The following MAP1B variants were observed in gnomAD, a reference collection of about 807,000 sequenced individuals.
MAP1B encodes the protein microtubule-associated protein 1B.
Under a neutral mutation model 176.1 loss-of-function variants are expected in MAP1B, and 12 were observed. The ratio of observed to expected loss-of-function variants is 0.07; its 90% confidence interval spans 0.04 to 0.11. MAP1B has a LOEUF of 0.11. MAP1B is among the 10% of genes least tolerant of loss of function. The pLI is 1.00. For missense variants in MAP1B, 2,523 were observed against 2,990.5 expected, an observed-to-expected ratio of 0.84 and a Z score of 3.65; for synonymous variants, 1,044 against 1,135.0, an observed-to-expected ratio of 0.92 and a Z score of 1.61.
chr5:72,154,875 A>G (rs1205952309), intron 2 of MAP1B, among the ~76,000 whole-genome samples: 1 of 152,166 alleles, frequency 6.6e-6, no homozygotes, highest in Non-Finnish European at 1.5e-5. Context: ...TGTCTTCTAA[A>G]CCAGGAATCC....
At chr5:72,171,957 G>T (rs1210262501) in intron 2 of MAP1B, among the ~76,000 whole-genome samples, 1 of 152,154 alleles carries the variant, frequency 6.6e-6, no homozygotes, top group Non-Finnish European at 1.5e-5. Flanking sequence ...TGATGCAGTG[G>T]AGTTTTGAAA....
chr5:72,204,637 A>C lies in MAP1B; in HGVS notation c.7252-447A>C, dbSNP rs989870000. Among the ~76,000 whole-genome samples, 2 of 152,226 alleles carry C rather than the reference A, an allele frequency of 1.3e-5. No homozygotes were observed. The highest frequency in any genetic ancestry group is 4.8e-5 in the African/African-American group (2 of 41,474). ...CCTCCATCCCCAACCACACACATAA[A>C]GTAAAGGTGCAGATCTTTGTTCTCA... is the stretch of plus-strand genomic sequence containing the variant. On this transcript the variant is annotated intron_variant, in intron 6 of 6. Transcript: ENST00000296755. The surrounding 1 kb of genome is among the most constrained non-coding windows in gnomAD (Gnocchi z 4.4).
intron 2 of MAP1B, among the ~76,000 whole-genome samples, chr5:72,134,937 G>A (rs1745809729): frequency 6.7e-6 from 1 of 148,788 alleles, no homozygotes; most frequent in African/African-American, 2.5e-5. Context: ...TCAGGGTAAG[G>A]CTCTTAGTTC....
intron 4 of MAP1B, among the ~76,000 whole-genome samples, chr5:72,192,986 G>T (rs750880868): frequency 1.8e-4 from 27 of 152,206 alleles, no homozygotes; most frequent in Non-Finnish European, 3.7e-4. Flanking sequence ...GATCTTAGCT[G>T]CTCACACCCA....
In MAP1B at chr5:72,208,655, A is replaced by G. The variant is rs1447240538; in HGVS notation, c.*3416A>G. 1 of 152,190 alleles carries G rather than the reference A, an allele frequency of 6.6e-6. No individual in the cohort carries two copies. Among genetic ancestry groups the G allele is most frequent in the Non-Finnish European group, 1.5e-5 (1 of 68,024 alleles). The allele number at this position is 152,190 out of a possible 1,614,324, so 9.4% of individuals were successfully genotyped here. A position where few individuals can be genotyped will look rare whatever the true frequency, so the allele number is the denominator to read the frequency against. ...ATAGTGAATGGTTTCCCCAGTGTAT[A>G]TGAATGTTTTAAGTGTCTCCAATAG... On this transcript the variant is annotated 3_prime_UTR_variant, in exon 7 of 7. Transcript: ENST00000296755.
intron 2 of MAP1B, among the ~76,000 whole-genome samples, chr5:72,121,920 A>G (rs1196297348): frequency 6.6e-6 from 1 of 152,200 alleles, no homozygotes; most frequent in Non-Finnish European, 1.5e-5. Context: ...GGGAACCTGC[A>G]ATTTCAGAGG....
chr5:72,161,554 G>A (rs1270708983), intron 2 of MAP1B, among the ~76,000 whole-genome samples: 1 of 152,230 alleles, frequency 6.6e-6, no homozygotes, highest in Non-Finnish European at 1.5e-5. Flanking sequence ...AAGAGTCACA[G>A]TGGCATTCCT....
At chr5:72,167,595 T>C (rs1746455330) in intron 2 of MAP1B, among the ~76,000 whole-genome samples, 1 of 152,248 alleles carries the variant, frequency 6.6e-6, no homozygotes, top group Non-Finnish European at 1.5e-5. Flanking sequence ...CTTTTGCAAC[T>C]GTCATTCTTT....
chr5:72,123,598 C>A (rs1745569770), intron 2 of MAP1B, among the ~76,000 whole-genome samples: 2 of 152,066 alleles, frequency 1.3e-5, no homozygotes, highest in Admixed American at 1.3e-4. Context: ...CATTCTCCTG[C>A]CTCAGGCTCC....
chr5:72,197,777 A>G lies in MAP1B; in HGVS notation c.4422A>G (p.Gln1474=). The G allele has an allele frequency of 1.9e-6, 3 of 1,614,258 alleles. No homozygotes were observed. In the South Asian group the frequency reaches 3.3e-5, roughly 18 times the overall value. ...DFAPIKEDFG[Q]EKKTDDVEAM... is the part of the protein sequence containing the mutation. Reference sequence around the variant, plus strand: ...CACCAATAAAAGAAGACTTTGGCCAAGAAAAGAAAACTGATGATGTTGAAG... The same window carrying G: ...CACCAATAAAAGAAGACTTTGGCCAGGAAAAGAAAACTGATGATGTTGAAG... The change falls in exon 5 of 7, where the codon CAA becomes CAG. Residue 1474 remains glutamine, a synonymous_variant. Coordinates refer to ENST00000296755, the MANE Select transcript of MAP1B (RefSeq NM_005909.5).
At chr5:72,130,083 A>G (rs1579987218) in intron 2 of MAP1B, among the ~76,000 whole-genome samples, 1 of 152,110 alleles carries the variant, frequency 6.6e-6, no homozygotes, top group East Asian at 1.9e-4. Context: ...GAGCAAATTC[A>G]TCACAAATTT....
chr5:72,194,079 C>T lies in MAP1B; in HGVS notation c.724C>T (p.Pro242Ser). ...CTCAGAATCAGTGGAAGTCCCATCT[C>T]CCTTTGACATCTTGGAACCTCCCAC... ...YLSESVEVPS[P>S]FDILEPPTSG... is the part of the protein sequence containing the mutation. The change falls in exon 5 of 7, where the codon CCC becomes TCC. Residue 242 changes from proline (P) to serine (S), a missense_variant. Pro to Ser is a moderately conservative substitution (Grantham distance 74). Transcript: ENST00000296755. The surrounding 1 kb of genome is among the most constrained non-coding windows in gnomAD (Gnocchi z 7.2). The T allele has an allele frequency of 6.2e-7, 1 of 1,614,202 alleles. No individual in the cohort carries two copies. The highest frequency in any genetic ancestry group is 8.5e-7 in the Non-Finnish European group (1 of 1,180,040).
At chr5:72,134,080 T>G (rs1021747481) in intron 2 of MAP1B, among the ~76,000 whole-genome samples, 6 of 152,362 alleles carry the variant, frequency 3.9e-5, no homozygotes, top group South Asian at 2.1e-4. Flanking sequence ...AGGGCTTTCT[T>G]TTTTAACTTT....
At chr5:72,167,522 A>G (rs1425676494) in intron 2 of MAP1B, among the ~76,000 whole-genome samples, 1 of 152,222 alleles carries the variant, frequency 6.6e-6, no homozygotes, top group Non-Finnish European at 1.5e-5. Context: ...CATCTGTAAG[A>G]AAACTCATTC....
chr5:72,129,224 T>A (rs1158582324), intron 2 of MAP1B, among the ~76,000 whole-genome samples: 1 of 152,200 alleles, frequency 6.6e-6, no homozygotes, highest in African/African-American at 2.4e-5. Context: ...TTATATTGTA[T>A]CAAAATGTAT....
At chr5:72,125,190 C>T (rs1257223235) in intron 2 of MAP1B, among the ~76,000 whole-genome samples, 3 of 151,684 alleles carry the variant, frequency 2.0e-5, no homozygotes, top group African/African-American at 7.2e-5. Flanking sequence ...CAGATAGTTT[C>T]CCAGCTCAAA....
chr5:72,153,029 A>C (rs1746171431), intron 2 of MAP1B, among the ~76,000 whole-genome samples: 1 of 152,170 alleles, frequency 6.6e-6, no homozygotes, highest in Non-Finnish European at 1.5e-5. Flanking sequence ...AAAATAAGAA[A>C]ACAAAATTTA....
At chr5:72,193,144 G>A (rs1747062448) in intron 4 of MAP1B, 2 of 234,004 alleles carry the variant, frequency 8.5e-6, no homozygotes, top group Admixed American at 1.0e-4. Flanking sequence ...GAATATGCTG[G>A]GTGACCCACT....
chr5:72,192,550 A>C (rs1337172338), intron 4 of MAP1B, among the ~76,000 whole-genome samples: 5 of 152,216 alleles, frequency 3.3e-5, no homozygotes, highest in Non-Finnish European at 7.3e-5. Flanking sequence ...AGATTCTATA[A>C]ATTATTCTTA....
Sources: gnomAD v4.1 joint callset for allele counts (sites outside exome capture counted in the v4.1 genomes callset) on GRCh38, gnomAD v4.1.1 for gene constraint, Gnocchi (gnomAD v3.1) non-coding constraint, MANE v1.5 for transcripts, NCBI Gene and HGNC (gene_info 2026-07-23, HGNC 2026-07-21) for gene names.